The following ATP8B4 variants were observed in gnomAD, a reference collection of about 807,000 sequenced individuals.
The protein encoded by ATP8B4 is ATPase phospholipid transporting 8B4 (putative).
In ATP8B4, 133 loss-of-function variants were observed where a neutral mutation model predicts 145.6. The observed-to-expected ratio is 0.91, with a 90% CI of 0.79 to 1.05. The LOEUF (loss-of-function observed/expected upper bound fraction) is 1.05. Among genes scored for constraint, ATP8B4 ranks in the 50% least tolerant of loss-of-function variants. The pLI is 0.00. For missense variants in ATP8B4, 1,458 were observed against 1,425.2 expected (o/e 1.02, Z -0.37); for synonymous variants, 507 against 492.9 (o/e 1.03, Z -0.38).
rs1443598971 is a variant in ATP8B4 at position 50,156,701 on chromosome 15, G to C, written c.-43+25560C>G. Among the ~76,000 whole-genome samples, 3 of 152,116 alleles carry C rather than the reference G, an allele frequency of 2.0e-5. No individual in the cohort carries two copies. The East Asian group carries it at 5.8e-4, about 29-fold the overall frequency. On this transcript the variant is annotated intron_variant, in intron 1 of 3. Coordinates refer to the ATP8B4 transcript ENST00000558829. Reference sequence around the variant, plus strand: ...CTCTACATTTTCCTTGATGCAATTTGCACATCAGTTTTTAAATGTGCAAGA... The same window carrying C: ...CTCTACATTTTCCTTGATGCAATTTCCACATCAGTTTTTAAATGTGCAAGA...
At chr15:49,964,142 G>C (rs1030350917) in intron 13 of ATP8B4, among the ~76,000 whole-genome samples, 1 of 152,132 alleles carries the variant, frequency 6.6e-6, no homozygotes, top group Non-Finnish European at 1.5e-5. Flanking sequence ...TTGACAAGCA[G>C]TTCTATTTGT....
At chr15:50,007,766 G>A (rs781187603) in intron 7 of ATP8B4, among the ~76,000 whole-genome samples, 8 of 152,034 alleles carry the variant, frequency 5.3e-5, no homozygotes, top group Non-Finnish European at 8.8e-5. Context: ...AGAGTGCAGG[G>A]AGATATATTA....
At chr15:50,153,350 T>TG (rs1240661461) in intron 1 of ATP8B4, among the ~76,000 whole-genome samples, 1 of 151,712 alleles carries the variant, frequency 6.6e-6, no homozygotes, top group African/African-American at 2.4e-5. Context: ...ACCTTTTTTT[T>TG]TTTTTTGAAA....
intron 13 of ATP8B4, among the ~76,000 whole-genome samples, chr15:49,971,868 A>G (rs1412867655): frequency 6.6e-6 from 1 of 152,208 alleles, no homozygotes; most frequent in African/African-American, 2.4e-5. Context: ...CTTGGAACCT[A>G]CCCAAATGCC....
At chr15:50,127,842 C>T (rs2057317378) in intron 1 of ATP8B4, among the ~76,000 whole-genome samples, 1 of 152,178 alleles carries the variant, frequency 6.6e-6, no homozygotes, top group African/African-American at 2.4e-5. Flanking sequence ...CCAGTAAGGT[C>T]TGTCTTTGAA....
rs2046123121 is a variant in ATP8B4 at position 49,981,206 on chromosome 15, C to T, written c.837G>A (p.Trp279Ter). Residue 279 changes from tryptophan (W) to a stop codon, truncating the protein, a stop_gained and splice_region_variant, in exon 11 of 28, where the codon TGG (tryptophan) becomes TGA (stop). Transcript: ENST00000284509. LOFTEE classifies it high-confidence loss of function. ...IDRLMNTLVL[W>*]IFGFLICLGI... ...GATATTGCCTAGTTTTGTAACTTAC[C>T]CATAGTACTAGAGTATTCATCAATC... is the stretch of plus-strand genomic sequence containing the variant. The T allele has an allele frequency of 1.3e-6, 2 of 1,579,656 alleles. No homozygotes were observed. The highest frequency in any genetic ancestry group is 1.7e-6 in the Non-Finnish European group (2 of 1,153,480).
intron 3 of ATP8B4, among the ~76,000 whole-genome samples, chr15:50,054,810 C>CAA (rs1393999490): frequency 9.3e-5 from 7 of 75,182 alleles, no homozygotes; most frequent in African/African-American, 3.4e-4. Flanking sequence ...AAAAAAAAAA[C>CAA]AAAAAAAAAA....
At chr15:49,904,384 A>G (rs1017070410) in intron 20 of ATP8B4, among the ~76,000 whole-genome samples, 1 of 152,204 alleles carries the variant, frequency 6.6e-6, no homozygotes, top group Admixed American at 6.5e-5. Context: ...AAATGGGACC[A>G]GCCAGTCAGT....
At chr15:50,056,701 G>GTATA (rs538243168) in intron 3 of ATP8B4, among the ~76,000 whole-genome samples, 31 of 144,318 alleles carry the variant, frequency 2.1e-4, no homozygotes, top group African/African-American at 7.2e-4. Flanking sequence ...ATGTATATGT[G>GTATA]TATATATATA....
intron 9 of ATP8B4, among the ~76,000 whole-genome samples, chr15:49,992,530 C>A (rs2047120515): frequency 1.3e-5 from 2 of 152,156 alleles, no homozygotes; most frequent in Non-Finnish European, 2.9e-5. Context: ...GGCAGAGAGA[C>A]TTACCAGAGA....
intron 13 of ATP8B4, among the ~76,000 whole-genome samples, chr15:49,967,879 G>A (rs2044699986): frequency 6.6e-6 from 1 of 152,132 alleles, no homozygotes; most frequent in Non-Finnish European, 1.5e-5. Flanking sequence ...AGAGAAAAAG[G>A]TCAGGTTACC....
intron 10 of ATP8B4, among the ~76,000 whole-genome samples, chr15:49,983,953 G>A (rs539744774): frequency 1.3e-5 from 2 of 152,330 alleles, no homozygotes; most frequent in Admixed American, 1.3e-4. Flanking sequence ...AAAATCATAT[G>A]AGTGAAGGTA....
chr15:49,876,418 T>G lies in ATP8B4; in HGVS notation c.2887A>C (p.Ile963Leu). ...AAGAAAAGGACTAATGAGGTGTAGA[T>G]TCCATGCAACACGCAAATGAAAAAT... ...RKFFICVLHG[I>L]YTSLVLFFIP... The change falls in exon 25 of 28, where the codon ATC becomes CTC. Residue 963 changes from isoleucine to leucine, a missense_variant. By Grantham distance (5) the Ile-to-Leu change is conservative. Transcript: ENST00000284509. The G allele has an allele frequency of 6.2e-7, 1 of 1,614,068 alleles. No individual in the cohort carries two copies. Among genetic ancestry groups the G allele is most frequent in the Non-Finnish European group, 8.5e-7 (1 of 1,179,974 alleles).
intron 1 of ATP8B4, among the ~76,000 whole-genome samples, chr15:50,132,995 G>GA (rs61068618): frequency 0.99 from 150,334 of 152,166 alleles, 74,285 homozygotes; most frequent in East Asian, 1. Context: ...AGCATTAGGA[G>GA]AATACCTAAT....
At chr15:50,141,562 T>G (rs901309185) in intron 1 of ATP8B4, among the ~76,000 whole-genome samples, 17 of 152,154 alleles carry the variant, frequency 1.1e-4, no homozygotes, top group African/African-American at 4.1e-4. Context: ...GGACAAAATC[T>G]TTCCCCTCAA....
intron 1 of ATP8B4, among the ~76,000 whole-genome samples, chr15:50,176,687 C>T (rs2044768433): frequency 6.6e-6 from 1 of 152,098 alleles, no homozygotes; most frequent in Admixed American, 6.5e-5. Flanking sequence ...AGAATTAGCA[C>T]ACATATTAGC....
At chr15:50,130,151 A>C (rs2057336277) in intron 1 of ATP8B4, among the ~76,000 whole-genome samples, 1 of 152,082 alleles carries the variant, frequency 6.6e-6, no homozygotes, top group South Asian at 2.1e-4. Context: ...TACCTGGCTA[A>C]ATTTTCCACA....
intron 15 of ATP8B4, among the ~76,000 whole-genome samples, chr15:49,932,683 G>A (rs1567021510): frequency 6.6e-6 from 1 of 152,086 alleles, no homozygotes; most frequent in African/African-American, 2.4e-5. Context: ...CCTTGAGGGT[G>A]TTTTCTGAAC....
chr15:50,083,836 G>A (rs1228198846), intron 2 of ATP8B4, among the ~76,000 whole-genome samples: 3 of 152,228 alleles, frequency 2.0e-5, no homozygotes, highest in Non-Finnish European at 2.9e-5. Flanking sequence ...GAGCTCGTTT[G>A]AGCAAGGCTA....
Sources: allele counts gnomAD v4.1 joint callset (sites outside exome capture counted in the v4.1 genomes callset), GRCh38; gene constraint gnomAD v4.1.1; transcripts MANE v1.5; gene names NCBI Gene and HGNC (gene_info 2026-07-23, HGNC 2026-07-21).